KMT2A: variants seen among roughly 807,000 people sequenced by gnomAD.
KMT2A encodes the protein histone-lysine N-methyltransferase 2A.
Under a neutral mutation model 345.3 loss-of-function variants are expected in KMT2A, and 16 were observed. The observed-to-expected ratio is 0.05, with a 90% confidence interval of 0.03 to 0.07. The LOEUF (loss-of-function observed/expected upper bound fraction) is 0.07. Among genes scored for constraint, KMT2A ranks in the 10% least tolerant of loss-of-function variants. KMT2A has a pLI of 1.00. For missense variants in KMT2A, 3,272 were observed against 4,841.6 expected (o/e 0.68, Z 9.62); for synonymous variants, 1,599 against 1,778.6 (o/e 0.90, Z 2.54).
In KMT2A at chr11:118,524,284, A is replaced by T. The variant is rs190548021; in HGVS notation, c.*2112A>T. On this transcript the variant is annotated 3_prime_UTR_variant, in exon 36 of 36. Transcript: ENST00000534358. ...TTTCAGAGTAGTGTAGTCCAAGTAG[A>T]GGGTGGGGCACCCTTTTCTCGCCGC... is the stretch of plus-strand genomic sequence containing the variant. 4 of 186,512 alleles carry T rather than the reference A, an allele frequency of 2.1e-5. No homozygotes were observed. The East Asian group carries it at 3.4e-4, about 16-fold the overall frequency. The allele number at this position is 186,512 out of a possible 1,614,324, so 11.6% of individuals were successfully genotyped here. A position where few individuals can be genotyped will look rare whatever the true frequency, so the allele number is the denominator to read the frequency against.
At position 118,499,737 on chromosome 11, in the gene KMT2A, G is replaced by A. The variant is rs187111009; in HGVS notation, c.6080-98G>A. The stretch of plus-strand genomic sequence containing the variant: ...AGAGGCTGCAGTGAGCTGAGATTGC[G>A]CCACTGCATTCCAGCCTGGGCGACA... On this transcript the variant is annotated intron_variant, in intron 23 of 35. Coordinates refer to ENST00000534358, the MANE Select transcript of KMT2A (RefSeq NM_001197104.2). 81 of 886,216 alleles carry A rather than the reference G, an allele frequency of 9.1e-5. 1 individual carries two copies. Among genetic ancestry groups the A allele is most frequent in the South Asian group, 5.9e-4 (41 of 69,420 alleles). 54.9% of individuals were successfully genotyped at this position (886,216 alleles called of 1,614,324 possible). A position where few individuals can be genotyped will look rare whatever the true frequency, so the allele number is the denominator to read the frequency against.
Position 118,505,870 on chromosome 11 carries a change from T to C in KMT2A, c.9978T>C (p.Thr3326=). The C allele has an allele frequency of 6.2e-7, 1 of 1,614,216 alleles. No individual in the cohort carries two copies. Among genetic ancestry groups the C allele is most frequent in the Non-Finnish European group, 8.5e-7 (1 of 1,180,046 alleles). The change falls in exon 27 of 36, where the codon ACT becomes ACC. Residue 3326 remains threonine (T), a synonymous_variant. Transcript: ENST00000534358. This position sits in a 1 kb window ranked among gnomAD's most constrained non-coding sequence, Gnocchi z 4.6. ...GCACATCAACAATAAGCCAGGATACTAGCCACCTCACATCAGGGTCTGTGT... is the reference window on the plus strand; with the variant it reads ...GCACATCAACAATAAGCCAGGATACCAGCCACCTCACATCAGGGTCTGTGT... ...AAGTSTISQD[T]SHLTSGSVSG...
In KMT2A at chr11:118,494,556, G is replaced by A. The variant is rs983208868; in HGVS notation, c.5290-138G>A. 5.8e-6 allele frequency: 5 copies of A among 863,712 alleles called. No homozygotes were observed. The East Asian group carries it at 1.1e-4, about 18-fold the overall frequency. 53.5% of individuals were successfully genotyped at this position (863,712 alleles called of 1,614,324 possible). A position where few individuals can be genotyped will look rare whatever the true frequency, so the allele number is the denominator to read the frequency against. On this transcript the variant is annotated intron_variant, in intron 17 of 35. Coordinates refer to ENST00000534358, the MANE Select transcript of KMT2A (RefSeq NM_001197104.2). The surrounding 1 kb of genome is among the most constrained non-coding windows in gnomAD (Gnocchi z 5.8). ...TGATTCTTTGAGAGGAACTTGGTGA[G>A]GTTGCCAGAGTGGATGGATCTTTCT... is the stretch of plus-strand genomic sequence containing the variant.
intron 1 of KMT2A, among the ~76,000 whole-genome samples, chr11:118,442,358 G>A (rs1949332065): frequency 6.6e-6 from 1 of 152,184 alleles, no homozygotes; most frequent in African/African-American, 2.4e-5. Context: ...TTACTAATGA[G>A]TCTGGCATGA....
chr11:118,440,007 T>C (rs1949280547), intron 1 of KMT2A, among the ~76,000 whole-genome samples: 1 of 151,860 alleles, frequency 6.6e-6, no homozygotes, highest in Non-Finnish European at 1.5e-5. Flanking sequence ...TGGGCTGACA[T>C]AGAATTCTAA....
chr11:118,460,201 GAATGGAGATATA>G (rs1949719609), intron 1 of KMT2A, among the ~76,000 whole-genome samples: 3 of 152,150 alleles, frequency 2.0e-5, no homozygotes, highest in Non-Finnish European at 2.9e-5. Context: ...CAATACTGAG[GAATGGAGATATA>G]CATTGCCATC....
intron 26 of KMT2A, 128 bp downstream of exon 26, chr11:118,501,985 G>A (rs982802358): frequency 5.1e-6 from 4 of 784,440 alleles, no homozygotes; most frequent in Non-Finnish European, 7.9e-6. Flanking sequence ...GGGTGAGGTG[G>A]CTCATGCCTG....
At chr11:118,512,502 T>C (rs546124912) in intron 31 of KMT2A, 2 of 162,010 alleles carry the variant, frequency 1.2e-5, no homozygotes, top group African/African-American at 4.8e-5. Context: ...AAATATTCCA[T>C]TGTGTAGATA....
At chr11:118,469,623 G>C (rs1949908773) in intron 2 of KMT2A, among the ~76,000 whole-genome samples, 1 of 152,158 alleles carries the variant, frequency 6.6e-6, no homozygotes, top group Admixed American at 6.5e-5. Context: ...ATAGGAGAAA[G>C]CTATGTATCT....
chr11:118,500,711 C>G (rs1366355147), intron 24 of KMT2A: 7 of 267,418 alleles, frequency 2.6e-5, no homozygotes, highest in Non-Finnish European at 4.3e-5. Context: ...ATTTTTCTTT[C>G]TCTTGCTTTT....
In KMT2A at chr11:118,497,880, A is replaced by G; in HGVS notation, c.5665-56A>G. 2 of 1,433,880 alleles carry G rather than the reference A, an allele frequency of 1.4e-6. No homozygotes were observed. 88.8% of individuals were successfully genotyped at this position (1,433,880 alleles called of 1,614,324 possible). A position where few individuals can be genotyped will look rare whatever the true frequency, so the allele number is the denominator to read the frequency against. On this transcript the variant is annotated intron_variant, in intron 20 of 35. Transcript: ENST00000534358. This position sits in a 1 kb window ranked among gnomAD's most constrained non-coding sequence, Gnocchi z 4.8. ...TTCACTGGAAAAGCTAATGCCGAGG[A>G]AAACCTCCTTTGGCATTATATTCTT...
At chr11:118,441,781 A>C (rs1949319225) in intron 1 of KMT2A, among the ~76,000 whole-genome samples, 1 of 152,214 alleles carries the variant, frequency 6.6e-6, no homozygotes, top group Non-Finnish European at 1.5e-5. Flanking sequence ...ACTTCCATTT[A>C]ATTATCTTAA....
intron 1 of KMT2A, among the ~76,000 whole-genome samples, chr11:118,463,972 A>G (rs1191086010): frequency 3.3e-5 from 5 of 152,220 alleles, no homozygotes; most frequent in African/African-American, 1.2e-4. Context: ...CATAAAATTT[A>G]TGGTGAAGCT....
At chr11:118,517,192 G>A (rs1419258267) in intron 31 of KMT2A, among the ~76,000 whole-genome samples, 3 of 151,236 alleles carry the variant, frequency 2.0e-5, no homozygotes, top group South Asian at 2.1e-4. Context: ...TCAGGAGATC[G>A]ACACCATCCT....
In KMT2A at chr11:118,491,084, C is replaced by A; in HGVS notation, c.4697-112C>A. The A allele has an allele frequency of 9.2e-7, 1 of 1,082,638 alleles. No homozygotes were observed. 67.1% of individuals were successfully genotyped at this position (1,082,638 alleles called of 1,614,324 possible). A position where few individuals can be genotyped will look rare whatever the true frequency, so the allele number is the denominator to read the frequency against. On this transcript the variant is annotated intron_variant, in intron 13 of 35. Transcript: ENST00000534358. The surrounding 1 kb of genome is among the most constrained non-coding windows in gnomAD (Gnocchi z 4.2). ...TCCACAGTAGATCCATGCTGGTGTT[C>A]ATGATCCCAGAAGAATATAGATTTA... is the stretch of plus-strand genomic sequence containing the variant.
chr11:118,492,418 G>A (rs914256188), intron 15 of KMT2A, among the ~76,000 whole-genome samples: 8 of 152,250 alleles, frequency 5.3e-5, no homozygotes, highest in African/African-American at 1.7e-4. Context: ...GGTGGCTCAC[G>A]CCTGTAATCC....
chr11:118,456,086 T>A (rs1337572699), intron 1 of KMT2A, among the ~76,000 whole-genome samples: 1 of 152,140 alleles, frequency 6.6e-6, no homozygotes, highest in Non-Finnish European at 1.5e-5. Context: ...TCCCACTGCC[T>A]CAGGCCCCCA....
intron 1 of KMT2A, among the ~76,000 whole-genome samples, chr11:118,454,700 A>G (rs1555030150): frequency 6.6e-6 from 1 of 152,204 alleles, no homozygotes; most frequent in African/African-American, 2.4e-5. Flanking sequence ...AAGTCAGACC[A>G]TTGTAAGTCA....
intron 1 of KMT2A, among the ~76,000 whole-genome samples, chr11:118,459,697 G>C (rs1161253975): frequency 6.6e-6 from 1 of 150,802 alleles, no homozygotes; most frequent in Non-Finnish European, 1.5e-5. Flanking sequence ...ATGGAGTCTT[G>C]CTCCGTTGCC....
Sources: gnomAD v4.1 joint callset for allele counts (sites outside exome capture counted in the v4.1 genomes callset) on GRCh38, gnomAD v4.1.1 for gene constraint, Gnocchi (gnomAD v3.1) non-coding constraint, MANE v1.5 for transcripts, NCBI Gene and HGNC (gene_info 2026-07-23, HGNC 2026-07-21) for gene names.